Variants in FSTL5 observed in about 807,000 individuals in gnomAD.
FSTL5 encodes the protein follistatin like 5.
FSTL5 carries 62 observed loss-of-function variants against 89.1 expected under a neutral mutation model. The observed-to-expected ratio is 0.70, with a 90% confidence interval of 0.57 to 0.86. The LOEUF is 0.86. Ranked by LOEUF, FSTL5 falls within the 40% of genes least tolerant of loss-of-function variation. The pLI is 0.00. For missense variants in FSTL5, 1,057 were observed against 1,001.6 expected (o/e 1.06, Z -0.75); for synonymous variants, 383 against 346.2 (o/e 1.11, Z -1.18).
chr4:161,993,084 G>T (rs1018162444), intron 3 of FSTL5, among the ~76,000 whole-genome samples: 2 of 149,954 alleles, frequency 1.3e-5, no homozygotes, highest in African/African-American at 4.9e-5. Context: ...ATATTGAATG[G>T]TCACCCCATG....
chr4:162,131,828 C>A lies in FSTL5; in HGVS notation c.-16-20416G>T, dbSNP rs965771630. On this transcript the variant is annotated intron_variant, in intron 1 of 15. Transcript: ENST00000306100. ...TTTTCCGCAGTCATAGACCAGCAGA[C>A]CTTATACCATATTTACACTTATCAG... 2.0e-4 allele frequency among the ~76,000 whole-genome samples: 31 copies of A among 152,184 alleles called. 1 individual carries two copies. Among genetic ancestry groups the A allele is most frequent in the Admixed American group, 1.1e-3 (17 of 15,278 alleles).
intron 4 of FSTL5, among the ~76,000 whole-genome samples, chr4:161,776,540 T>C (rs1376798823): frequency 9.9e-6 from 1 of 100,928 alleles, no homozygotes; most frequent in Non-Finnish European, 1.7e-5. Flanking sequence ...CGTATATGCA[T>C]ACATATACGT....
At chr4:161,478,399 T>C (rs747074392) in intron 13 of FSTL5, among the ~76,000 whole-genome samples, 8 of 152,150 alleles carry the variant, frequency 5.3e-5, no homozygotes, top group Non-Finnish European at 1.0e-4. Flanking sequence ...GCTTTATGTA[T>C]GTATATGTCT....
intron 4 of FSTL5, among the ~76,000 whole-genome samples, chr4:161,816,608 C>G (rs559549589): frequency 1.4e-4 from 22 of 152,232 alleles, no homozygotes; most frequent in African/African-American, 5.3e-4. Flanking sequence ...GGAACTCTTT[C>G]TGAGAAATTA....
At chr4:161,520,761 T>C (rs918994666) in intron 10 of FSTL5, among the ~76,000 whole-genome samples, 2 of 152,170 alleles carry the variant, frequency 1.3e-5, no homozygotes. Flanking sequence ...ATATCAAAAA[T>C]TGAAGAATTA....
rs1740222799 is a variant in FSTL5, at chr4:161,746,944, G to C, written c.727+12467C>G. ...ATAGCAGAAAAGCACCTGTCCTCTT[G>C]GATATTGTCCCCAAGGACTCTTATT... On this transcript the variant is annotated intron_variant, in intron 6 of 15. Transcript: ENST00000306100. Among the ~76,000 whole-genome samples the C allele has an allele frequency of 2.0e-5, 3 of 152,086 alleles. No homozygotes were observed. The South Asian group carries it at 6.2e-4, about 32-fold the overall frequency.
chr4:161,541,751 A>T (rs752321044), intron 9 of FSTL5, among the ~76,000 whole-genome samples: 10 of 152,042 alleles, frequency 6.6e-5, no homozygotes, highest in Non-Finnish European at 1.3e-4. Flanking sequence ...AAGTCATAAA[A>T]TAAGAACTAT....
At chr4:162,089,389 C>T (rs1730447985) in intron 2 of FSTL5, among the ~76,000 whole-genome samples, 1 of 152,000 alleles carries the variant, frequency 6.6e-6, no homozygotes, top group Admixed American at 6.6e-5. Context: ...AATCTCAGCA[C>T]TTTGGGATGC....
At chr4:161,418,002 G>GA (rs1560885299) in intron 15 of FSTL5, among the ~76,000 whole-genome samples, 2 of 151,910 alleles carry the variant, frequency 1.3e-5, no homozygotes, top group Non-Finnish European at 2.9e-5. Flanking sequence ...AGATTGATGA[G>GA]AAAAAAAATC....
intron 7 of FSTL5, among the ~76,000 whole-genome samples, chr4:161,589,724 T>A (rs998153549): frequency 1.1e-4 from 16 of 152,056 alleles, no homozygotes; most frequent in African/African-American, 3.6e-4. Context: ...TAAAAAACCT[T>A]ACAAGATAAA....
intron 8 of FSTL5, among the ~76,000 whole-genome samples, chr4:161,565,054 C>T (rs1732749707): frequency 6.6e-6 from 1 of 151,794 alleles, no homozygotes. Context: ...TACAGGGAAC[C>T]TTCTACTTAT....
chr4:161,688,412 C>T (rs1301414786), intron 6 of FSTL5, among the ~76,000 whole-genome samples: 1 of 152,106 alleles, frequency 6.6e-6, no homozygotes, highest in Non-Finnish European at 1.5e-5. Context: ...GTTATAACAG[C>T]ACAAAATAGA....
chr4:161,641,018 G>A (rs1376494976), intron 7 of FSTL5, among the ~76,000 whole-genome samples: 1 of 152,130 alleles, frequency 6.6e-6, no homozygotes, highest in African/African-American at 2.4e-5. Flanking sequence ...AGTGCTAAAA[G>A]AAATAAGCTG....
chr4:161,739,298 C>T (rs902333005), intron 6 of FSTL5, among the ~76,000 whole-genome samples: 2 of 152,120 alleles, frequency 1.3e-5, no homozygotes, highest in South Asian at 4.1e-4. Flanking sequence ...GCCATGTGGA[C>T]ATGAAGATGG....
At chr4:161,523,199 A>G (rs1427476653) in intron 10 of FSTL5, among the ~76,000 whole-genome samples, 2 of 152,236 alleles carry the variant, frequency 1.3e-5, no homozygotes, top group African/African-American at 4.8e-5. Context: ...ATAGTTAGAT[A>G]ATAATGTTCT....
At chr4:161,726,227 CT>C (rs5863477) in intron 6 of FSTL5, among the ~76,000 whole-genome samples, 137 of 113,660 alleles carry the variant, frequency 1.2e-3, no homozygotes, top group Middle Eastern at 0.013. Context: ...TTTTCTTTTT[CT>C]TTTTTTTTTT....
intron 2 of FSTL5, chr4:162,047,293 T>C (rs1250438426): frequency 6.6e-6 from 1 of 152,108 alleles, no homozygotes; most frequent in Non-Finnish European, 1.5e-5. Context: ...ATAAAAATAA[T>C]AATGATAAGA....
intron 15 of FSTL5, among the ~76,000 whole-genome samples, chr4:161,393,406 T>A (rs944635685): frequency 6.6e-6 from 1 of 151,860 alleles, no homozygotes; most frequent in Admixed American, 6.6e-5. Context: ...AAATGGTCTT[T>A]ATCCTTAAGG....
At chr4:161,856,374 A>T (rs1731721493) in intron 4 of FSTL5, among the ~76,000 whole-genome samples, 1 of 152,030 alleles carries the variant, frequency 6.6e-6, no homozygotes. Flanking sequence ...AATATTAATG[A>T]TTTAATTATA....
Sources: allele counts gnomAD v4.1 joint callset (sites outside exome capture counted in the v4.1 genomes callset), GRCh38; gene constraint gnomAD v4.1.1; transcripts MANE v1.5; gene names NCBI Gene and HGNC (gene_info 2026-07-23, HGNC 2026-07-21).